Variants in AUNIP observed in about 807,000 individuals in gnomAD.
The protein encoded by AUNIP is aurora kinase A and ninein interacting protein, also known as aurora kinase A- and ninein-interacting protein.
A neutral mutation model predicts 12.2 loss-of-function variants in AUNIP; 16 were observed. The observed-to-expected ratio is 1.31, with a 90% CI of 0.88 to 1.99. The LOEUF is 1.99. AUNIP is among the 30% of genes most tolerant of loss of function. AUNIP has a pLI of 0.00. For missense variants in AUNIP, 411 were observed against 419.1 expected (o/e 0.98, Z 0.17); for synonymous variants, 142 against 154.8 (o/e 0.92, Z 0.61).
intron 1 of AUNIP, among the ~76,000 whole-genome samples, chr1:25,857,564 G>C (rs988799213): frequency 2.0e-4 from 29 of 146,542 alleles, no homozygotes; most frequent in African/African-American, 7.2e-4. Context: ...GATAATTTTT[G>C]AAAAAATAAA....
chr1:25,850,097 T>A lies in AUNIP; in HGVS notation c.78+9183A>T, dbSNP rs150914649. Among the ~76,000 whole-genome samples the A allele has an allele frequency of 2.8e-4, 43 of 152,202 alleles. No homozygotes were observed. In the East Asian group the frequency reaches 8.3e-3, roughly 29 times the overall value. ...TATCTCTCGGGGGTACATACTTAAA[T>A]GGGCAAATTTTATGGTATATGAATC... On this transcript the variant is annotated intron_variant, in intron 1 of 2. Transcript: ENST00000374298.
At chr1:25,853,057 G>A (rs1213464354) in intron 1 of AUNIP, among the ~76,000 whole-genome samples, 8 of 152,094 alleles carry the variant, frequency 5.3e-5, no homozygotes, top group Non-Finnish European at 1.2e-4. Context: ...AGTATTTGTG[G>A]AGAATGTTCC....
At chr1:25,837,271 AT>A in intron 2 of AUNIP, 141 bp downstream of exon 2, 1 of 1,026,766 alleles carries the variant, frequency 9.7e-7, no homozygotes, top group Non-Finnish European at 1.4e-6. Context: ...GCAACAACTT[AT>A]GTTTTATAAC....
At chr1:25,852,450 T>G (rs111303256) in intron 1 of AUNIP, among the ~76,000 whole-genome samples, 1 of 144,828 alleles carries the variant, frequency 6.9e-6, no homozygotes, top group African/African-American at 2.6e-5. Flanking sequence ...TATTTAAGGT[T>G]TTTTTTTTTG....
Position 25,834,788 on chromosome 1 carries a change from C to T in AUNIP, c.*205G>A. ...ATTCAGGGAATTTACCAGCCACCAC[C>T]TTCCTGAGGGAAAGCCATGATGCCA... On this transcript the variant is annotated 3_prime_UTR_variant, in exon 3 of 3. Coordinates refer to ENST00000374298, the MANE Select transcript of AUNIP (RefSeq NM_024037.3). The T allele has an allele frequency of 1.4e-6, 2 of 1,412,108 alleles. No homozygotes were observed. Among genetic ancestry groups the T allele is most frequent in the Non-Finnish European group, 1.8e-6 (2 of 1,087,420 alleles). 87.5% of individuals were successfully genotyped at this position (1,412,108 alleles called of 1,614,324 possible).
chr1:25,832,023 T>C (rs375483961), downstream of AUNIP: 49 of 1,614,018 alleles, frequency 3.0e-5, no homozygotes, highest in Non-Finnish European at 4.0e-5. Flanking sequence ...GAAAAGGAAA[T>C]TGACAACCCT....
intron 1 of AUNIP, among the ~76,000 whole-genome samples, chr1:25,848,996 T>A (rs142862606): frequency 1.3e-5 from 2 of 152,236 alleles, no homozygotes; most frequent in Non-Finnish European, 2.9e-5. Flanking sequence ...TTCAGTGACT[T>A]CTGTGAGTAC....
intron 1 of AUNIP, among the ~76,000 whole-genome samples, chr1:25,853,552 G>A (rs2048438249): frequency 6.6e-6 from 1 of 152,076 alleles, no homozygotes; most frequent in Non-Finnish European, 1.5e-5. Flanking sequence ...AGCTGAGATC[G>A]TGCCACTGCA....
rs143111896 is a variant in AUNIP, at chr1:25,840,257, C to T, written c.79-2703G>A. On this transcript the variant is annotated intron_variant, in intron 1 of 2. Transcript: ENST00000374298. ...AAAAAAATTCAACAGATGAGCTTAA[C>T]GACAGATTGGAGACTACAGAAGAAA... 9.9e-5 allele frequency among the ~76,000 whole-genome samples: 15 copies of T among 151,876 alleles called. No individual in the cohort carries two copies. The South Asian group carries it at 2.1e-3, about 21-fold the overall frequency.
Position 25,834,479 on chromosome 1 carries a change from T to C in AUNIP, c.*514A>G. The C allele has an allele frequency of 1.4e-6, 1 of 710,104 alleles. No individual in the cohort carries two copies. The highest frequency in any genetic ancestry group is 6.4e-5 in the South Asian group (1 of 15,676). The allele number at this position is 710,104 out of a possible 1,614,324, so 44.0% of individuals were successfully genotyped here. A position where few individuals can be genotyped will look rare whatever the true frequency, so the allele number is the denominator to read the frequency against. On this transcript the variant is annotated 3_prime_UTR_variant, in exon 3 of 3. Transcript: ENST00000374298. Reference sequence around the variant, plus strand: ...AAATCCAAAAAAAATTAGCTGGGCGTGGTGGCGCATGCCTGTAGTCCCTGC... The same window carrying C: ...AAATCCAAAAAAAATTAGCTGGGCGCGGTGGCGCATGCCTGTAGTCCCTGC...
chr1:25,854,949 CTTTCT>C (rs1296393864), intron 1 of AUNIP, among the ~76,000 whole-genome samples: 2 of 140,916 alleles, frequency 1.4e-5, no homozygotes, highest in African/African-American at 5.6e-5. Flanking sequence ...ATTCAGAATT[CTTTCT>C]TTTTTTTTTT....
intron 1 of AUNIP, among the ~76,000 whole-genome samples, chr1:25,842,474 A>C (rs1226168011): frequency 1.3e-5 from 2 of 152,268 alleles, no homozygotes; most frequent in Non-Finnish European, 2.9e-5. Flanking sequence ...TGAAGCAGCG[A>C]GTGCTGATGC....
rs572611092 is a variant in AUNIP, at chr1:25,835,993, T to G, written c.221-147A>C. 4 of 1,268,348 alleles carry G rather than the reference T, an allele frequency of 3.2e-6. No homozygotes were observed. The African/African-American group carries it at 6.0e-5, about 19-fold the overall frequency. The allele number at this position is 1,268,348 out of a possible 1,614,324, so 78.6% of individuals were successfully genotyped here. A position where few individuals can be genotyped will look rare whatever the true frequency, so the allele number is the denominator to read the frequency against. On this transcript the variant is annotated intron_variant, in intron 2 of 2. Coordinates refer to ENST00000374298, the MANE Select transcript of AUNIP (RefSeq NM_024037.3). ...TCTTCACATAACTTTGTAGCCAATC[T>G]TCCTGTTTTCAATCTTGCCAGTCTA...
intron 1 of AUNIP, among the ~76,000 whole-genome samples, chr1:25,851,236 T>C (rs551958362): frequency 6.6e-6 from 1 of 152,382 alleles, no homozygotes; most frequent in African/African-American, 2.4e-5. Context: ...TCATGATTTA[T>C]AATCCTTTTT....
chr1:25,834,709 C>T lies in AUNIP; in HGVS notation c.*284G>A, dbSNP rs1187591916. On this transcript the variant is annotated 3_prime_UTR_variant, in exon 3 of 3. Coordinates refer to ENST00000374298, the MANE Select transcript of AUNIP (RefSeq NM_024037.3). ...GGCTCTGTGCAGGCTGAGTAAAAGGCACTTTCATAGAGATAAATACCCACT... is the reference window on the plus strand; with the variant it reads ...GGCTCTGTGCAGGCTGAGTAAAAGGTACTTTCATAGAGATAAATACCCACT... 2 of 1,204,066 alleles carry T rather than the reference C, an allele frequency of 1.7e-6. No homozygotes were observed. The highest frequency in any genetic ancestry group is 3.9e-5 in the East Asian group (1 of 25,738). 74.6% of individuals were successfully genotyped at this position (1,204,066 alleles called of 1,614,324 possible).
chr1:25,858,986 C>T (rs970569453), intron 1 of AUNIP, among the ~76,000 whole-genome samples: 1 of 152,132 alleles, frequency 6.6e-6, no homozygotes, highest in Non-Finnish European at 1.5e-5. Flanking sequence ...CTGCTCCGAG[C>T]GAACTTTCCC....
downstream of AUNIP, chr1:25,832,483 C>T (rs1572255824): frequency 6.3e-6 from 2 of 315,882 alleles, no homozygotes; most frequent in East Asian, 6.4e-5. Flanking sequence ...GTTCACAGGG[C>T]ACGGAAAATC....
At chr1:25,849,695 G>A (rs892376361) in intron 1 of AUNIP, among the ~76,000 whole-genome samples, 1 of 152,116 alleles carries the variant, frequency 6.6e-6, no homozygotes, top group Non-Finnish European at 1.5e-5. Flanking sequence ...GTGCAGCTAC[G>A]CAATCTTGGC....
chr1:25,833,737 G>C (rs1167023083), downstream of AUNIP, among the ~76,000 whole-genome samples: 5 of 151,374 alleles, frequency 3.3e-5, no homozygotes, highest in South Asian at 8.3e-4. Context: ...CTGGGCAAGA[G>C]AGCGAGACCG....
Sources: allele counts gnomAD v4.1 joint callset (sites outside exome capture counted in the v4.1 genomes callset), GRCh38; gene constraint gnomAD v4.1.1; transcripts MANE v1.5; gene names NCBI Gene and HGNC (gene_info 2026-07-23, HGNC 2026-07-21).